CLNK: variants seen among roughly 807,000 people sequenced by gnomAD.
CLNK encodes cytokine-dependent hematopoietic cell linker.
CLNK carries 74 observed loss-of-function variants against 68.6 expected under a neutral mutation model. The ratio of observed to expected loss-of-function variants is 1.08; its 90% CI spans 0.89 to 1.31. The LOEUF (loss-of-function observed/expected upper bound fraction) is 1.31, where lower values mean the gene tolerates loss of function less well. CLNK is among the 50% of genes most tolerant of loss of function. The pLI, the probability that CLNK is intolerant of heterozygous loss-of-function variation, is 0.00. For synonymous variants in CLNK, 198 were observed against 172.2 expected (o/e 1.15, Z -1.17); for missense variants, 553 against 515.3 (o/e 1.07, Z -0.71).
chr4:10,574,887 C>A (rs1038288867), intron 4 of CLNK, among the ~76,000 whole-genome samples: 1 of 152,148 alleles, frequency 6.6e-6, no homozygotes, highest in South Asian at 2.1e-4. Context: ...TCATGTACCC[C>A]CTGCTTGCTC....
chr4:10,504,302 A>G lies in CLNK; in HGVS notation c.985-2891T>C, dbSNP rs534768814. Reference sequence around the variant, plus strand: ...CGCCCGGCTAACTTTTTGTATTTTTAGTAGAGATGAGGTTTCACCGTGTTA... The same window carrying G: ...CGCCCGGCTAACTTTTTGTATTTTTGGTAGAGATGAGGTTTCACCGTGTTA... On this transcript the variant is annotated intron_variant, in intron 17 of 18. Transcript: ENST00000226951. Among the ~76,000 whole-genome samples the G allele has an allele frequency of 4.0e-5, 6 of 151,172 alleles. No individual in the cohort carries two copies. In the South Asian group the frequency reaches 6.3e-4, roughly 16 times the overall value.
upstream of CLNK, among the ~76,000 whole-genome samples, chr4:10,685,286 A>G (rs1725228360): frequency 6.6e-6 from 1 of 152,162 alleles, no homozygotes; most frequent in Admixed American, 6.5e-5. Context: ...AGTTTGAGTG[A>G]TAATAATATT....
intron 2 of CLNK, among the ~76,000 whole-genome samples, chr4:10,661,913 G>A (rs1400868245): frequency 6.6e-6 from 1 of 152,166 alleles, no homozygotes; most frequent in African/African-American, 2.4e-5. Flanking sequence ...ATAACCATGT[G>A]TGGAAGGTAG....
At chr4:10,566,529 T>A (rs1720122095) in intron 5 of CLNK, among the ~76,000 whole-genome samples, 1 of 152,180 alleles carries the variant, frequency 6.6e-6, no homozygotes, top group Non-Finnish European at 1.5e-5. Flanking sequence ...AATAAGATAA[T>A]CTTGTATTTG....
chr4:10,587,197 C>A (rs1377834342), intron 3 of CLNK, among the ~76,000 whole-genome samples: 1 of 152,128 alleles, frequency 6.6e-6, no homozygotes, highest in Non-Finnish European at 1.5e-5. Flanking sequence ...AACTCCTGAC[C>A]TCAGGTGATC....
the CLNK span, among the ~76,000 whole-genome samples, chr4:10,710,861 C>T: frequency 2.6e-5 from 4 of 152,210 alleles, no homozygotes; most frequent in Non-Finnish European, 4.4e-5. Flanking sequence ...CATATCACTC[C>T]TCCATAAAAG....
intron 2 of CLNK, among the ~76,000 whole-genome samples, chr4:10,623,758 A>C (rs1297373858): frequency 6.6e-6 from 1 of 152,266 alleles, no homozygotes; most frequent in African/African-American, 2.4e-5. Context: ...TAGGCAAATA[A>C]GCAATTTCAG....
chr4:10,523,701 T>C (rs1577105437), intron 14 of CLNK, among the ~76,000 whole-genome samples: 1 of 152,198 alleles, frequency 6.6e-6, no homozygotes. Flanking sequence ...TATAATATAA[T>C]GTGTACATTT....
In CLNK at chr4:10,501,258, C is replaced by G; in HGVS notation, c.1138G>C (p.Glu380Gln). ...GGAGGCTGTTAAGTTATACCCACCT[C>G]ATCTCCTCTGAGTCCTGTCCCCAGG... ...FALGTGLRGD[E>Q]KFDSVEDIIE... The change falls in exon 18 of 19, where the codon GAG becomes CAG. Residue 380 changes from glutamate to glutamine, a missense_variant and splice_region_variant. By Grantham distance (29) the Glu-to-Gln change is conservative. Transcript: ENST00000226951. 1 of 1,570,244 alleles carries G rather than the reference C, an allele frequency of 6.4e-7. No homozygotes were observed. Among genetic ancestry groups the G allele is most frequent in the Non-Finnish European group, 8.6e-7 (1 of 1,165,998 alleles).
intron 15 of CLNK, among the ~76,000 whole-genome samples, chr4:10,516,065 T>A (rs1014366704): frequency 9.4e-5 from 14 of 149,150 alleles, no homozygotes; most frequent in East Asian, 7.9e-4. Flanking sequence ...ATAATAAAAA[T>A]TTTTTTTTTT....
chr4:10,607,747 A>T (rs1179044889), intron 2 of CLNK, among the ~76,000 whole-genome samples: 1 of 152,210 alleles, frequency 6.6e-6, no homozygotes, highest in Non-Finnish European at 1.5e-5. Context: ...AATCCTGGAC[A>T]ATGAGTCCAG....
At chr4:10,707,570 T>G in the CLNK span, among the ~76,000 whole-genome samples, 1 of 152,222 alleles carries the variant, frequency 6.6e-6, no homozygotes, top group South Asian at 2.1e-4. Flanking sequence ...ATGTGCCTAT[T>G]ATTCCTGTAA....
At chr4:10,626,949 C>T (rs1278168182) in intron 2 of CLNK, among the ~76,000 whole-genome samples, 1 of 152,112 alleles carries the variant, frequency 6.6e-6, no homozygotes, top group Non-Finnish European at 1.5e-5. Context: ...GATTTTGTGC[C>T]ACGTTTCATC....
At chr4:10,734,819 TA>T in the CLNK span, among the ~76,000 whole-genome samples, 3 of 152,130 alleles carry the variant, frequency 2.0e-5, no homozygotes, top group Non-Finnish European at 2.9e-5. Flanking sequence ...ATGAAGTTGT[TA>T]ACAGCAGCCT....
chr4:10,521,605 A>C (rs2109047670), intron 14 of CLNK, among the ~76,000 whole-genome samples: 1 of 152,342 alleles, frequency 6.6e-6, no homozygotes, highest in East Asian at 1.9e-4. Flanking sequence ...GTGCCAATGA[A>C]ATCACCTGAG....
At chr4:10,630,951 C>G (rs537198162) in intron 2 of CLNK, among the ~76,000 whole-genome samples, 1 of 152,120 alleles carries the variant, frequency 6.6e-6, no homozygotes, top group Non-Finnish European at 1.5e-5. Flanking sequence ...TAAATAAGGG[C>G]TGTACTGATA....
At chr4:10,512,315 C>T (rs1158557389) in intron 16 of CLNK, among the ~76,000 whole-genome samples, 1 of 151,862 alleles carries the variant, frequency 6.6e-6, no homozygotes. Context: ...ACTGCAACCT[C>T]CATCTCCCAG....
chr4:10,610,374 G>C (rs1435046041), intron 2 of CLNK, among the ~76,000 whole-genome samples: 1 of 151,042 alleles, frequency 6.6e-6, no homozygotes, highest in African/African-American at 2.4e-5. Flanking sequence ...AATCTTCTTG[G>C]GGAGAGAAAA....
At chr4:10,655,327 C>T (rs1367766972) in intron 2 of CLNK, among the ~76,000 whole-genome samples, 2 of 89,708 alleles carry the variant, frequency 2.2e-5, no homozygotes, top group Admixed American at 1.4e-4. Context: ...CCTAAAACCC[C>T]CAAAGACAGA....
Sources: allele counts gnomAD v4.1 joint callset (sites outside exome capture counted in the v4.1 genomes callset), GRCh38; gene constraint gnomAD v4.1.1; transcripts MANE v1.5; gene names NCBI Gene and HGNC (gene_info 2026-07-23, HGNC 2026-07-21).